STXBP3: variants seen among roughly 807,000 people sequenced by gnomAD.
The protein encoded by STXBP3 is syntaxin-binding protein 3.
In STXBP3, 41 loss-of-function variants were observed where a neutral mutation model predicts 85.7. That is an observed-to-expected ratio of 0.48 (90% CI 0.37 to 0.62). The LOEUF (loss-of-function observed/expected upper bound fraction) is 0.62. STXBP3 is among the 20% of genes least tolerant of loss of function. The pLI is 0.00. For missense variants in STXBP3, 563 were observed against 703.1 expected (o/e 0.80, Z 2.25); for synonymous variants, 229 against 231.7 (o/e 0.99, Z 0.10).
chr1:108,751,019 C>T (rs1357172789), intron 1 of STXBP3, among the ~76,000 whole-genome samples: 2 of 152,204 alleles, frequency 1.3e-5, no homozygotes, highest in African/African-American at 4.8e-5. Flanking sequence ...ATGGTTTGTT[C>T]ACCACCTTGG....
At chr1:108,801,872 T>A (rs1663240021) in intron 17 of STXBP3, among the ~76,000 whole-genome samples, 1 of 152,032 alleles carries the variant, frequency 6.6e-6, no homozygotes, top group African/African-American at 2.4e-5. Flanking sequence ...TCTCACTATG[T>A]TGCCCAGGCT....
chr1:108,753,791 C>G (rs1365008207), intron 3 of STXBP3, among the ~76,000 whole-genome samples: 3 of 152,056 alleles, frequency 2.0e-5, no homozygotes, highest in African/African-American at 4.8e-5. Flanking sequence ...ATTCATCATC[C>G]TTTAACTCAC....
In STXBP3 at chr1:108,798,130, C is replaced by T; in HGVS notation, c.1357-15C>T. The T allele has an allele frequency of 6.4e-7, 1 of 1,572,910 alleles. No homozygotes were observed. The highest frequency in any genetic ancestry group is 8.6e-7 in the Non-Finnish European group (1 of 1,163,586). ...GAATTACTGGTTTTTAATTTTTTTC[C>T]TCTAATTGTATTAGTCTCAACAAGG... On this transcript the variant is annotated splice_polypyrimidine_tract_variant and intron_variant, in intron 15 of 18. Transcript: ENST00000370008.
intron 6 of STXBP3, among the ~76,000 whole-genome samples, chr1:108,767,826 A>C (rs143139528): frequency 6.6e-6 from 1 of 151,992 alleles, no homozygotes; most frequent in South Asian, 2.1e-4. Context: ...AGCTCAAGCA[A>C]TCCTCCTACC....
rs561237518 is a variant in STXBP3, at chr1:108,795,033, AG to A, written c.1110+130del. 6.4e-4 allele frequency: 453 copies of A among 703,760 alleles called. No individual in the cohort carries two copies. The African/African-American group carries it at 7.5e-3, about 12-fold the overall frequency. The allele number at this position is 703,760 out of a possible 1,614,324, so 43.6% of individuals were successfully genotyped here. A position where few individuals can be genotyped will look rare whatever the true frequency, so the allele number is the denominator to read the frequency against. ...ACAGAATCACAGACTCTCTCTTATC[AG>A]GGGAGCCACCTAGGCAGTATTTAAT... On this transcript the variant is annotated intron_variant, in intron 13 of 18. Transcript: ENST00000370008.
At chr1:108,802,653 G>A (rs1663255571) in intron 17 of STXBP3, among the ~76,000 whole-genome samples, 1 of 152,194 alleles carries the variant, frequency 6.6e-6, no homozygotes, top group Non-Finnish European at 1.5e-5. Flanking sequence ...AGATATTCAA[G>A]ATTAAATGCT....
chr1:108,808,186 A>G (rs1367645046), intron 18 of STXBP3, among the ~76,000 whole-genome samples: 1 of 152,208 alleles, frequency 6.6e-6, no homozygotes, highest in Non-Finnish European at 1.5e-5. Context: ...GGATATGGAC[A>G]TGACATTGGC....
chr1:108,762,874 C>A (rs528069443), intron 6 of STXBP3, among the ~76,000 whole-genome samples: 1 of 152,314 alleles, frequency 6.6e-6, no homozygotes, highest in South Asian at 2.1e-4. Context: ...ACACACATAA[C>A]TACTTTTGCC....
chr1:108,754,423 T>C (rs921027492), intron 3 of STXBP3, among the ~76,000 whole-genome samples: 10 of 152,182 alleles, frequency 6.6e-5, no homozygotes, highest in Admixed American at 4.6e-4. Context: ...AATTAGAAAA[T>C]TGAAGCCTTG....
At chr1:108,802,039 T>C (rs1459129302) in intron 17 of STXBP3, among the ~76,000 whole-genome samples, 1 of 152,160 alleles carries the variant, frequency 6.6e-6, no homozygotes. Context: ...AGCAGTCAAC[T>C]AATGATGTGT....
chr1:108,798,194 T>C lies in STXBP3; in HGVS notation c.1406T>C (p.Phe469Ser), dbSNP rs757694612. The C allele has an allele frequency of 6.2e-7, 1 of 1,613,240 alleles. No homozygotes were observed. The highest frequency in any genetic ancestry group is 1.1e-5 in the South Asian group (1 of 91,034). ...LRKDRSAEET[F>S]QLSRWTPFIK... ...AAGGATCGGTCTGCAGAAGAAACTT[T>C]TCAGCTCTCTCGGTGGACACCTTTT... The change falls in exon 16 of 19, where the codon TTT becomes TCT. Residue 469 changes from phenylalanine to serine, a missense_variant. Transcript: ENST00000370008.
intron 8 of STXBP3, among the ~76,000 whole-genome samples, chr1:108,777,956 G>C (rs1301995499): frequency 6.6e-6 from 1 of 152,044 alleles, no homozygotes; most frequent in Non-Finnish European, 1.5e-5. Flanking sequence ...AACCTTTTCA[G>C]TCATCTTATA....
chr1:108,768,296 G>A (rs1264857435), intron 6 of STXBP3, among the ~76,000 whole-genome samples: 2 of 152,020 alleles, frequency 1.3e-5, no homozygotes, highest in Non-Finnish European at 2.9e-5. Context: ...TTTTAGTAGA[G>A]ATGGGGTTGC....
At chr1:108,754,491 C>A (rs1570746700) in intron 3 of STXBP3, among the ~76,000 whole-genome samples, 2 of 152,138 alleles carry the variant, frequency 1.3e-5, no homozygotes, top group African/African-American at 4.8e-5. Context: ...TTTTTAAGTT[C>A]TGAAAGGTCA....
chr1:108,767,765 A>G (rs921430106), intron 6 of STXBP3, among the ~76,000 whole-genome samples: 4 of 151,934 alleles, frequency 2.6e-5, no homozygotes, highest in South Asian at 2.1e-4. Flanking sequence ...TTCTTCATTT[A>G]TAGCAGAGAT....
At chr1:108,781,029 A>G (rs1163899188) in intron 9 of STXBP3, 2 of 152,142 alleles carry the variant, frequency 1.3e-5, no homozygotes, top group African/African-American at 4.8e-5. Context: ...CGGCCTCCCA[A>G]CTAAATTTAC....
At chr1:108,754,910 T>C (rs1306002731) in intron 3 of STXBP3, among the ~76,000 whole-genome samples, 3 of 152,166 alleles carry the variant, frequency 2.0e-5, no homozygotes, top group African/African-American at 7.2e-5. Context: ...ATGGTTTAAT[T>C]GTAGTCATAT....
intron 6 of STXBP3, 121 bp downstream of exon 6, chr1:108,760,206 T>C: frequency 1.8e-6 from 1 of 552,076 alleles, no homozygotes; most frequent in Non-Finnish European, 3.1e-6. Flanking sequence ...TTGAACCTAA[T>C]CCACAAATAG....
intron 17 of STXBP3, 95 bp downstream of exon 17, chr1:108,800,400 A>G: frequency 2.3e-6 from 2 of 864,080 alleles, no homozygotes; most frequent in Non-Finnish European, 3.7e-6. Context: ...ACTTTCTTTC[A>G]AGTATATAAT....
Sources: allele counts gnomAD v4.1 joint callset (sites outside exome capture counted in the v4.1 genomes callset), GRCh38; gene constraint gnomAD v4.1.1; transcripts MANE v1.5; gene names NCBI Gene and HGNC (gene_info 2026-07-23, HGNC 2026-07-21).